The following NWD2 variants were observed in gnomAD, a reference collection of about 807,000 sequenced individuals.
NWD2 encodes the protein NACHT and WD repeat domain-containing protein 2.
A neutral mutation model predicts 132.7 loss-of-function variants in NWD2; 37 were observed. The observed-to-expected ratio is 0.28, with a 90% confidence interval of 0.21 to 0.37. The LOEUF (loss-of-function observed/expected upper bound fraction) is 0.37. Among genes scored for constraint, NWD2 ranks in the 10% least tolerant of loss-of-function variants. The pLI, the probability that NWD2 is intolerant of heterozygous loss-of-function variation, is 1.00. For missense variants in NWD2, 1,592 were observed against 2,122.4 expected, an observed-to-expected ratio of 0.75 and a Z score of 4.91; for synonymous variants, 705 against 803.0, an observed-to-expected ratio of 0.88 and a Z score of 2.06.
At chr4:37,340,650 A>G (rs1254698315) in intron 2 of NWD2, among the ~76,000 whole-genome samples, 2 of 152,200 alleles carry the variant, frequency 1.3e-5, no homozygotes, top group African/African-American at 4.8e-5. Flanking sequence ...TTGATGTCTA[A>G]GCTGAATCCT....
At chr4:37,430,215 A>T (rs1320938390) in intron 3 of NWD2, among the ~76,000 whole-genome samples, 1 of 152,178 alleles carries the variant, frequency 6.6e-6, no homozygotes, top group Admixed American at 6.5e-5. Context: ...TACATGTTTG[A>T]CATTTTTAAG....
chr4:37,430,125 T>C (rs1712130533), intron 3 of NWD2, among the ~76,000 whole-genome samples: 1 of 152,220 alleles, frequency 6.6e-6, no homozygotes. Flanking sequence ...GTCATACTTC[T>C]TTTTATTGTA....
rs2109329545 is a variant in NWD2, at chr4:37,439,763, G to C, written c.1296+373G>C. Among the ~76,000 whole-genome samples, 1 of 152,326 alleles carries C rather than the reference G, an allele frequency of 6.6e-6. No homozygotes were observed. Among genetic ancestry groups the C allele is most frequent in the East Asian group, 1.9e-4 (1 of 5,182 alleles). ...GCTAAATCAGTCTCCGTTCAGTAAT[G>C]AGTATGTCCAGGCTAAGGTAAAAAT... On this transcript the variant is annotated intron_variant, in intron 6 of 6. Coordinates refer to ENST00000309447, the MANE Select transcript of NWD2 (RefSeq NM_001144990.2). This position sits in a 1 kb window ranked among gnomAD's most constrained non-coding sequence, Gnocchi z 4.5.
intron 3 of NWD2, among the ~76,000 whole-genome samples, chr4:37,426,005 G>C (rs1438932665): frequency 6.6e-6 from 1 of 152,152 alleles, no homozygotes; most frequent in Non-Finnish European, 1.5e-5. Context: ...CCCCTGCTCT[G>C]GTCCATTGAC....
intron 1 of NWD2, among the ~76,000 whole-genome samples, chr4:37,261,215 C>T (rs1717629246): frequency 6.6e-6 from 1 of 152,114 alleles, no homozygotes; most frequent in Non-Finnish European, 1.5e-5. Context: ...AAGAAGGACA[C>T]ATCAGGCATG....
chr4:37,302,041 C>A (rs190135570), intron 1 of NWD2, among the ~76,000 whole-genome samples: 30 of 151,994 alleles, frequency 2.0e-4, no homozygotes, highest in Middle Eastern at 3.4e-3. Context: ...CCCTAAAGTA[C>A]TATAAAACGC....
At chr4:37,334,589 C>T (rs990540879) in intron 2 of NWD2, among the ~76,000 whole-genome samples, 2 of 152,206 alleles carry the variant, frequency 1.3e-5, no homozygotes, top group African/African-American at 4.8e-5. Context: ...CCCCTCTACT[C>T]TCTGAACTCA....
In NWD2 at chr4:37,319,882, T is replaced by C. The variant is rs148453695; in HGVS notation, c.152-6054T>C. On this transcript the variant is annotated intron_variant, in intron 1 of 6. Transcript: ENST00000309447. Reference sequence around the variant, plus strand: ...TGCTGTTTGGGTTACTGTAGCCTTATAGTATAGTTTGAAGTCAGGTAATGT... The same window carrying C: ...TGCTGTTTGGGTTACTGTAGCCTTACAGTATAGTTTGAAGTCAGGTAATGT... Among the ~76,000 whole-genome samples, 6 of 152,318 alleles carry C rather than the reference T, an allele frequency of 3.9e-5. No individual in the cohort carries two copies. In the East Asian group the frequency reaches 1.2e-3, roughly 29 times the overall value.
rs114160065 is a variant in NWD2, at chr4:37,285,224, C to G, written c.151+40006C>G. Among the ~76,000 whole-genome samples the G allele has an allele frequency of 3.2e-3, 485 of 152,252 alleles. 4 individuals carry two copies. Among genetic ancestry groups the G allele is most frequent in the African/African-American group, 0.011 (449 of 41,566 alleles). ...TGACTCTTGTGAACGTTCCAACACA[C>G]TATGTAACTTTTATAGGAATAGTCC... On this transcript the variant is annotated intron_variant, in intron 1 of 6. Transcript: ENST00000309447.
chr4:37,269,289 T>C (rs1260137742), intron 1 of NWD2, among the ~76,000 whole-genome samples: 1 of 151,884 alleles, frequency 6.6e-6, no homozygotes, highest in African/African-American at 2.4e-5. Flanking sequence ...TGCTGCTAAA[T>C]GGTTGGTTGT....
At chr4:37,290,914 A>C (rs2040051) in intron 1 of NWD2, among the ~76,000 whole-genome samples, 3,413 of 152,244 alleles carry the variant, frequency 0.022, 132 homozygotes, top group African/African-American at 0.078. Flanking sequence ...CAGTTCTGAG[A>C]GGTGTAGAGT....
At chr4:37,269,260 A>G (rs1717820048) in intron 1 of NWD2, among the ~76,000 whole-genome samples, 1 of 151,946 alleles carries the variant, frequency 6.6e-6, no homozygotes, top group Non-Finnish European at 1.5e-5. Context: ...CAGGACATCC[A>G]GATGCTTGTC....
At chr4:37,372,594 A>G (rs1213355022) in intron 3 of NWD2, among the ~76,000 whole-genome samples, 2 of 152,246 alleles carry the variant, frequency 1.3e-5, no homozygotes, top group African/African-American at 2.4e-5. Context: ...CATTTGGAAT[A>G]TTGGCCGCTA....
chr4:37,418,633 A>C (rs1046166903), intron 3 of NWD2, among the ~76,000 whole-genome samples: 11 of 23,042 alleles, frequency 4.8e-4, no homozygotes, highest in African/African-American at 1.6e-3. Context: ...CTTTCTCCCA[A>C]AAAAAAAAAT....
At chr4:37,333,016 G>C (rs557358363) in intron 2 of NWD2, among the ~76,000 whole-genome samples, 2 of 152,160 alleles carry the variant, frequency 1.3e-5, no homozygotes, top group Middle Eastern at 6.3e-3. Flanking sequence ...CGTGAAAAAG[G>C]GAGGGAAGAG....
rs186750218 is a variant in NWD2, at chr4:37,391,651, C to A, written c.357+35169C>A. ...ATGGGTGAAATGGGTATGTGGGTTT[C>A]TCTTACTAGGAGTTTTTAGTGATAC... On this transcript the variant is annotated intron_variant, in intron 3 of 6. Coordinates refer to ENST00000309447, the MANE Select transcript of NWD2 (RefSeq NM_001144990.2). Among the ~76,000 whole-genome samples the A allele has an allele frequency of 2.1e-3, 317 of 152,270 alleles. 1 individual carries two copies. The highest frequency in any genetic ancestry group is 6.3e-3 in the African/African-American group (261 of 41,558).
intron 1 of NWD2, among the ~76,000 whole-genome samples, chr4:37,276,149 G>A (rs1381821527): frequency 6.6e-6 from 1 of 151,994 alleles, no homozygotes; most frequent in African/African-American, 2.4e-5. Context: ...AACTACCATT[G>A]GAGTGAACAG....
At chr4:37,383,674 C>T (rs1016673928) in intron 3 of NWD2, among the ~76,000 whole-genome samples, 6 of 152,210 alleles carry the variant, frequency 3.9e-5, no homozygotes, top group Non-Finnish European at 2.9e-5. Context: ...TGCTGCTTTC[C>T]GCAGCCTTTT....
At chr4:37,406,016 G>A (rs1302313858) in intron 3 of NWD2, among the ~76,000 whole-genome samples, 1 of 151,750 alleles carries the variant, frequency 6.6e-6, no homozygotes, top group African/African-American at 2.4e-5. Flanking sequence ...AACTGTTCAG[G>A]GTTTATCATA....
Sources: allele counts gnomAD v4.1 joint callset (sites outside exome capture counted in the v4.1 genomes callset), GRCh38; gene constraint gnomAD v4.1.1; non-coding constraint Gnocchi (gnomAD v3.1); transcripts MANE v1.5; gene names NCBI Gene and HGNC (gene_info 2026-07-23, HGNC 2026-07-21).